Variants in ZNF704 observed in about 807,000 individuals in gnomAD.
The protein encoded by ZNF704 is zinc finger protein 704, also known as glucocorticoid induced gene 1.
Under a neutral mutation model 44.7 loss-of-function variants are expected in ZNF704, and 10 were observed. The observed-to-expected ratio is 0.22, with a 90% confidence interval of 0.14 to 0.38. The LOEUF (loss-of-function observed/expected upper bound fraction) is 0.38. Among genes scored for constraint, ZNF704 ranks in the 10% least tolerant of loss-of-function variants. The pLI is 1.00. For synonymous variants in ZNF704, 211 were observed against 207.6 expected (o/e 1.02, Z -0.14); for missense variants, 390 against 545.5 (o/e 0.71, Z 2.84).
chr8:80,698,676 T>G (rs1818762319), intron 2 of ZNF704, among the ~76,000 whole-genome samples: 1 of 152,202 alleles, frequency 6.6e-6, no homozygotes, highest in South Asian at 2.1e-4. Flanking sequence ...ATTGATTGTC[T>G]GATGACTGTG....
At chr8:80,779,597 T>C (rs994573060) in intron 2 of ZNF704, among the ~76,000 whole-genome samples, 2 of 152,140 alleles carry the variant, frequency 1.3e-5, no homozygotes, top group African/African-American at 4.8e-5. Context: ...TTACATTATC[T>C]AAAGGAAAAT....
In ZNF704 at chr8:80,809,445, T is replaced by A. The variant is rs74517699; in HGVS notation, c.221+11929A>T. ...GCAGCAACGTTACGCAAATCTATTA[T>A]GAGATGAATACTATTTTGGGGGTTA... On this transcript the variant is annotated intron_variant, in intron 2 of 8. Transcript: ENST00000327835. Among the ~76,000 whole-genome samples the A allele has an allele frequency of 2.4e-3, 366 of 152,322 alleles. 2 individuals carry two copies. The highest frequency in any genetic ancestry group is 4.5e-3 in the Non-Finnish European group (303 of 68,020).
At chr8:80,817,344 C>T (rs1808193154) in intron 2 of ZNF704, among the ~76,000 whole-genome samples, 1 of 152,228 alleles carries the variant, frequency 6.6e-6, no homozygotes, top group South Asian at 2.1e-4. Flanking sequence ...GCCACAGCTC[C>T]CACATGCTGC....
chr8:80,675,268 A>G (rs1484712496), intron 4 of ZNF704, among the ~76,000 whole-genome samples: 1 of 152,198 alleles, frequency 6.6e-6, no homozygotes, highest in East Asian at 1.9e-4. Flanking sequence ...GATGAGAAAG[A>G]CCTTGCCTCT....
At chr8:80,669,901 TG>T in intron 5 of ZNF704, among the ~76,000 whole-genome samples, 1 of 152,146 alleles carries the variant, frequency 6.6e-6, no homozygotes, top group East Asian at 1.9e-4. Flanking sequence ...TGTTATATAA[TG>T]AGGAAAAGTA....
chr8:80,641,037 A>G lies in ZNF704; in HGVS notation c.*329T>C. 1 of 179,500 alleles carries G rather than the reference A, an allele frequency of 5.6e-6. No homozygotes were observed. The highest frequency in any genetic ancestry group is 1.2e-5 in the Non-Finnish European group (1 of 85,926). The allele number at this position is 179,500 out of a possible 1,614,324, so 11.1% of individuals were successfully genotyped here. A position where few individuals can be genotyped will look rare whatever the true frequency, so the allele number is the denominator to read the frequency against. On this transcript the variant is annotated 3_prime_UTR_variant, in exon 9 of 9. Transcript: ENST00000327835. ...TCAAAATATGCCTCCTTTCTAGGTA[A>G]AATGGGCTTTGTTGGTTCAATTGCT...
At chr8:80,881,042 T>A in the ZNF704 span, among the ~76,000 whole-genome samples, 1 of 152,238 alleles carries the variant, frequency 6.6e-6, no homozygotes, top group Non-Finnish European at 1.5e-5. Flanking sequence ...TCTCAAAGAC[T>A]TAGGTTTTGT....
At chr8:80,826,429 A>G (rs1048488391) in intron 1 of ZNF704, among the ~76,000 whole-genome samples, 1 of 151,274 alleles carries the variant, frequency 6.6e-6, no homozygotes, top group Non-Finnish European at 1.5e-5. Flanking sequence ...AATTGACGCA[A>G]TAATAGCCTA....
intron 4 of ZNF704, among the ~76,000 whole-genome samples, chr8:80,671,194 C>G (rs949747985): frequency 6.6e-6 from 1 of 152,192 alleles, no homozygotes; most frequent in Non-Finnish European, 1.5e-5. Context: ...GCGGCACAAT[C>G]TTGGATCACT....
At chr8:80,756,990 T>C (rs1420597712) in intron 2 of ZNF704, among the ~76,000 whole-genome samples, 1 of 152,254 alleles carries the variant, frequency 6.6e-6, no homozygotes, top group Non-Finnish European at 1.5e-5. Context: ...TATGCAGTCA[T>C]GTACCATGGT....
At chr8:80,725,235 T>A (rs1806456473) in intron 2 of ZNF704, among the ~76,000 whole-genome samples, 1 of 152,138 alleles carries the variant, frequency 6.6e-6, no homozygotes, top group African/African-American at 2.4e-5. Flanking sequence ...AAAAGGCCAG[T>A]CCTTGAAGGG....
chr8:80,813,144 C>T (rs1376896011), intron 2 of ZNF704, among the ~76,000 whole-genome samples: 1 of 152,178 alleles, frequency 6.6e-6, no homozygotes. Flanking sequence ...TACGACAGTG[C>T]TACCGGTCCA....
intron 7 of ZNF704, among the ~76,000 whole-genome samples, chr8:80,645,708 G>A (rs1220463726): frequency 1.3e-5 from 2 of 152,184 alleles, no homozygotes; most frequent in Non-Finnish European, 2.9e-5. Flanking sequence ...AGAAGCAGAT[G>A]CCACTGTGCT....
chr8:80,745,877 A>T (rs1806835752), intron 2 of ZNF704, among the ~76,000 whole-genome samples: 1 of 152,204 alleles, frequency 6.6e-6, no homozygotes, highest in Non-Finnish European at 1.5e-5. Flanking sequence ...AGGAACAAGC[A>T]GGCCCTTTGG....
chr8:80,765,731 G>T (rs920318143), intron 2 of ZNF704, among the ~76,000 whole-genome samples: 1 of 152,136 alleles, frequency 6.6e-6, no homozygotes, highest in African/African-American at 2.4e-5. Context: ...TTGACATTCA[G>T]AATTATGGCA....
upstream of ZNF704, among the ~76,000 whole-genome samples, chr8:80,876,005 A>T (rs1809352215): frequency 6.6e-6 from 1 of 152,226 alleles, no homozygotes; most frequent in Non-Finnish European, 1.5e-5. Flanking sequence ...ATTGCCCACA[A>T]GTCCAACCCA....
At chr8:80,757,289 T>C (rs1434928431) in intron 2 of ZNF704, among the ~76,000 whole-genome samples, 1 of 152,148 alleles carries the variant, frequency 6.6e-6, no homozygotes, top group African/African-American at 2.4e-5. Flanking sequence ...AGGCCCAGGC[T>C]AATGTGTGTA....
Position 80,688,194 on chromosome 8 carries a change from C to T in ZNF704, c.326-736G>A, listed in dbSNP as rs141666775. On this transcript the variant is annotated intron_variant, in intron 3 of 8. Transcript: ENST00000327835. ...CTGCACTCTAGCCTGGGTGAAAGAG[C>T]GAGATCCTGTTTCAGAAAAAAAGTT... Among the ~76,000 whole-genome samples, 11 of 150,986 alleles carry T rather than the reference C, an allele frequency of 7.3e-5. No homozygotes were observed. In the South Asian group the frequency reaches 1.0e-3, roughly 14 times the overall value.
chr8:80,875,450 G>A (rs909739365), upstream of ZNF704, among the ~76,000 whole-genome samples: 10 of 152,016 alleles, frequency 6.6e-5, no homozygotes, highest in African/African-American at 1.2e-4. Context: ...GATTAAAGGC[G>A]CGCTCCACCA....
Sources: allele counts gnomAD v4.1 joint callset (sites outside exome capture counted in the v4.1 genomes callset), GRCh38; gene constraint gnomAD v4.1.1; transcripts MANE v1.5; gene names NCBI Gene and HGNC (gene_info 2026-07-23, HGNC 2026-07-21).